CCDC83: variants seen among roughly 807,000 people sequenced by gnomAD.
CCDC83 encodes the protein coiled-coil domain containing 83.
A neutral mutation model predicts 50.1 loss-of-function variants in CCDC83; 54 were observed. The ratio of observed to expected loss-of-function variants is 1.08; its 90% CI spans 0.87 to 1.35. The LOEUF is 1.35. CCDC83 is among the 40% of genes most tolerant of loss of function. CCDC83 has a pLI of 0.00. For synonymous variants in CCDC83, 161 were observed against 153.3 expected, an observed-to-expected ratio of 1.05 and a Z score of -0.37; for missense variants, 518 against 473.9, an observed-to-expected ratio of 1.09 and a Z score of -0.86.
At chr11:85,876,633 T>C (rs141697339) in intron 3 of CCDC83, among the ~76,000 whole-genome samples, 2,964 of 152,332 alleles carry the variant, frequency 0.019, 107 homozygotes, top group African/African-American at 0.066. Flanking sequence ...GCCACCCAAA[T>C]AGCTGGGATT....
intron 1 of CCDC83, among the ~76,000 whole-genome samples, chr11:85,856,604 T>C (rs1221314666): frequency 6.6e-6 from 1 of 152,216 alleles, no homozygotes; most frequent in East Asian, 1.9e-4. Context: ...GGTACTGCAG[T>C]AGAAAAATGT....
In CCDC83 at chr11:85,905,272, G is replaced by A. The variant is rs112229169; in HGVS notation, c.673-6009G>A. 7.3e-4 allele frequency among the ~76,000 whole-genome samples: 111 copies of A among 151,468 alleles called. 1 individual carries two copies. The highest frequency in any genetic ancestry group is 2.5e-3 in the African/African-American group (103 of 41,274). On this transcript the variant is annotated intron_variant, in intron 7 of 10. Transcript: ENST00000342404. Reference sequence around the variant, plus strand: ...AGCCTTACCAACATGGAGAAACCCCGTCTCTACTAAAAATACAAAATTAGC... The same window carrying A: ...AGCCTTACCAACATGGAGAAACCCCATCTCTACTAAAAATACAAAATTAGC...
At chr11:85,915,625 G>T (rs1198457068) in intron 9 of CCDC83, 127 bp downstream of exon 9, 2 of 633,740 alleles carry the variant, frequency 3.2e-6, no homozygotes, top group African/African-American at 3.7e-5. Context: ...ACACCTGCCA[G>T]CTTCTCTAAA....
intron 7 of CCDC83, among the ~76,000 whole-genome samples, chr11:85,910,921 C>T (rs2093450551): frequency 6.6e-6 from 1 of 152,064 alleles, no homozygotes; most frequent in Admixed American, 6.5e-5. Flanking sequence ...CCTGTAATCC[C>T]AGCACTTTGG....
intron 2 of CCDC83, among the ~76,000 whole-genome samples, chr11:85,868,038 C>G (rs951262189): frequency 1.3e-5 from 2 of 152,166 alleles, no homozygotes; most frequent in Non-Finnish European, 2.9e-5. Context: ...CCTGGCGCCT[C>G]TTATATCTCT....
intron 1 of CCDC83, among the ~76,000 whole-genome samples, chr11:85,858,814 A>G (rs996051554): frequency 3.3e-5 from 5 of 152,182 alleles, no homozygotes; most frequent in Admixed American, 6.5e-5. Flanking sequence ...AGCAGCAGCT[A>G]TATTGAAGGG....
intron 7 of CCDC83, among the ~76,000 whole-genome samples, chr11:85,903,110 A>C (rs1166854157): frequency 3.3e-5 from 5 of 151,774 alleles, no homozygotes; most frequent in African/African-American, 7.3e-5. Flanking sequence ...GTGGGCACCT[A>C]TAATCCCAGC....
chr11:85,904,480 C>T (rs980395156), intron 7 of CCDC83, among the ~76,000 whole-genome samples: 16 of 152,294 alleles, frequency 1.1e-4, no homozygotes, highest in African/African-American at 3.8e-4. Context: ...ACAAAGTAGC[C>T]ACCCAACCTG....
chr11:85,910,350 CAT>C (rs2093447886), intron 7 of CCDC83, among the ~76,000 whole-genome samples: 1 of 152,248 alleles, frequency 6.6e-6, no homozygotes, highest in Non-Finnish European at 1.5e-5. Flanking sequence ...ATTTCTGCCA[CAT>C]GATAGCCATA....
At chr11:85,860,820 C>T (rs1043770594) in intron 1 of CCDC83, among the ~76,000 whole-genome samples, 12 of 152,176 alleles carry the variant, frequency 7.9e-5, no homozygotes, top group African/African-American at 1.9e-4. Flanking sequence ...AGAACAAAAT[C>T]GTGTCCTTTG....
rs755867663 is a variant in CCDC83 at position 85,916,144 on chromosome 11, G to A, written c.991G>A (p.Val331Met). Residue 331 changes from valine to methionine, a missense_variant, in exon 10 of 11, where the codon GTG (valine) becomes ATG (methionine). Val to Met is a conservative substitution (Grantham distance 21). Coordinates refer to ENST00000342404, the MANE Select transcript of CCDC83 (RefSeq NM_001286159.2). ...AAATAGCATCGAAGATCTCCAGTAT[G>A]TGAAGATAGATAAAGAGGAAAACTC... The part of the protein sequence containing the change: ...HENSIEDLQY[V>M]KIDKEENSGT... The A allele has an allele frequency of 6.2e-7, 1 of 1,612,424 alleles. No individual in the cohort carries two copies. Among genetic ancestry groups the A allele is most frequent in the Non-Finnish European group, 8.5e-7 (1 of 1,178,542 alleles).
intron 8 of CCDC83, among the ~76,000 whole-genome samples, chr11:85,914,626 C>G (rs1315531097): frequency 6.6e-6 from 1 of 152,156 alleles, no homozygotes; most frequent in East Asian, 1.9e-4. Flanking sequence ...ACTACAACAG[C>G]GACCTGACTA....
intron 10 of CCDC83, among the ~76,000 whole-genome samples, chr11:85,917,209 GGAAA>G (rs150122733): frequency 0.031 from 2,907 of 94,096 alleles, 101 homozygotes; most frequent in African/African-American, 0.08. Flanking sequence ...AAAGAAAGAA[GGAAA>G]GAAAGAAAGA....
At chr11:85,864,596 G>A (rs1422047525) in intron 1 of CCDC83, among the ~76,000 whole-genome samples, 1 of 152,044 alleles carries the variant, frequency 6.6e-6, no homozygotes, top group Non-Finnish European at 1.5e-5. Flanking sequence ...GCTTTTATTT[G>A]CTGTTTGTAA....
intron 1 of CCDC83, among the ~76,000 whole-genome samples, chr11:85,860,104 C>T (rs112716630): frequency 8.6e-5 from 13 of 151,812 alleles, no homozygotes; most frequent in East Asian, 3.9e-4. Flanking sequence ...CTGGCTAACA[C>T]GGTGAAACCC....
Position 85,915,456 on chromosome 11 carries a change from C to T in CCDC83, c.832C>T (p.Pro278Ser). 6.2e-7 allele frequency: 1 copy of T among 1,613,166 alleles called. No homozygotes were observed. The highest frequency in any genetic ancestry group is 1.1e-5 in the South Asian group (1 of 90,946). ...YLTQAAGLEV[P>S]PEEMSLELPE... ...TACCCAAGCTGCTGGACTAGAAGTG[C>T]CACCTGAAGAAATGTCTTTGGAATT... Residue 278 changes from proline (P) to serine (S), a missense_variant, in exon 9 of 11, where the codon CCA becomes TCA. By Grantham distance (74) the Pro-to-Ser change is moderately conservative. Coordinates refer to ENST00000342404, the MANE Select transcript of CCDC83 (RefSeq NM_001286159.2).
chr11:85,859,180 AC>A (rs375196009), intron 1 of CCDC83, among the ~76,000 whole-genome samples: 1,517 of 109,886 alleles, frequency 0.014, 50 homozygotes, highest in African/African-American at 0.034. Flanking sequence ...AAAAAAAAAA[AC>A]CCCTAGGAAT....
chr11:85,865,253 A>G (rs2093200406), intron 2 of CCDC83, 35 bp downstream of exon 2: 1 of 1,263,670 alleles, frequency 7.9e-7, no homozygotes, highest in African/African-American at 1.5e-5. Flanking sequence ...AAGTTGCCAT[A>G]GATAAAAGGC....
intron 1 of CCDC83, among the ~76,000 whole-genome samples, chr11:85,862,170 A>G (rs1195899042): frequency 1.3e-5 from 2 of 152,134 alleles, no homozygotes; most frequent in African/African-American, 2.4e-5. Flanking sequence ...TGATATGTCC[A>G]TTTTTAGTAA....
Sources: allele counts gnomAD v4.1 joint callset (sites outside exome capture counted in the v4.1 genomes callset), GRCh38; gene constraint gnomAD v4.1.1; transcripts MANE v1.5; gene names NCBI Gene and HGNC (gene_info 2026-07-23, HGNC 2026-07-21).